SNAP23: variants seen among roughly 807,000 people sequenced by gnomAD.
The protein encoded by SNAP23 is synaptosome associated protein 23, also known as synaptosomal-associated protein 23.
In SNAP23, 11 loss-of-function variants were observed where a neutral mutation model predicts 29.0. The observed-to-expected ratio is 0.38, with a 90% confidence interval of 0.24 to 0.63. The LOEUF (loss-of-function observed/expected upper bound fraction) is 0.63, where lower values mean the gene tolerates loss of function less well. Ranked by LOEUF, SNAP23 falls within the 20% of genes least tolerant of loss-of-function variation. The probability of loss-of-function intolerance (pLI) is 0.58; values close to 1 mark genes in which losing one functional copy is unlikely to be tolerated. For missense variants in SNAP23, 220 were observed against 253.9 expected (o/e 0.87, Z 0.91); for synonymous variants, 60 against 82.9 (o/e 0.72, Z 1.50).
chr15:42,491,972 G>T (rs565459717), upstream of SNAP23, among the ~76,000 whole-genome samples: 1 of 151,848 alleles, frequency 6.6e-6, no homozygotes, highest in African/African-American at 2.4e-5. Flanking sequence ...GTGCAGAACC[G>T]CTCTCTTGGT....
chr15:42,519,251 C>T (rs1157552518), intron 5 of SNAP23, among the ~76,000 whole-genome samples: 1 of 151,890 alleles, frequency 6.6e-6, no homozygotes, highest in Non-Finnish European at 1.5e-5. Flanking sequence ...GATGGGGGTT[C>T]ACCATGTTGG....
At chr15:42,519,008 G>A (rs2141537517) in intron 5 of SNAP23, among the ~76,000 whole-genome samples, 1 of 151,492 alleles carries the variant, frequency 6.6e-6, no homozygotes, top group East Asian at 2.0e-4. Context: ...GACTACAGGT[G>A]CATGTCACCA....
chr15:42,501,489 T>C (rs1241850535), intron 1 of SNAP23, among the ~76,000 whole-genome samples: 1 of 152,210 alleles, frequency 6.6e-6, no homozygotes, highest in Non-Finnish European at 1.5e-5. Context: ...AGCCTCAAAC[T>C]GCTGAGCTCA....
chr15:42,502,026 C>CTTTTTTTT (rs767749240), intron 1 of SNAP23, among the ~76,000 whole-genome samples: 1 of 132,510 alleles, frequency 7.5e-6, no homozygotes, highest in Non-Finnish European at 1.6e-5. Context: ...TATATTCTCT[C>CTTTTTTTT]TTTTTTTTTT....
intron 5 of SNAP23, among the ~76,000 whole-genome samples, chr15:42,525,028 A>T (rs1476198259): frequency 6.6e-6 from 1 of 152,130 alleles, no homozygotes; most frequent in Non-Finnish European, 1.5e-5. Context: ...TTTTTTCCCC[A>T]TCCCATTTGA....
At chr15:42,511,961 G>T in intron 2 of SNAP23, 58 bp downstream of exon 2, 1 of 1,203,194 alleles carries the variant, frequency 8.3e-7, no homozygotes, top group Non-Finnish European at 1.2e-6. Context: ...TATTGGAGGA[G>T]TGAGAGAGCC....
In SNAP23 at chr15:42,531,537, T is replaced by A; in HGVS notation, c.*59T>A. The A allele has an allele frequency of 7.4e-7, 1 of 1,351,948 alleles. No homozygotes were observed. Among genetic ancestry groups the A allele is most frequent in the East Asian group, 2.4e-5 (1 of 42,326 alleles). The allele number at this position is 1,351,948 out of a possible 1,614,324, so 83.7% of individuals were successfully genotyped here. On this transcript the variant is annotated 3_prime_UTR_variant, in exon 8 of 8. Transcript: ENST00000249647. ...TTCCGTAGCTCCTCCTTGAAAGTTA[T>A]TACCTTTTCAGAGTTTAAGTTTTCG...
intron 5 of SNAP23, chr15:42,521,870 C>G: frequency 9.9e-6 from 4 of 402,492 alleles, no homozygotes; most frequent in Non-Finnish European, 1.8e-5. Flanking sequence ...TTTATAATAC[C>G]ATCCTTTGAC....
chr15:42,499,861 T>C (rs931579016), intron 1 of SNAP23, among the ~76,000 whole-genome samples: 2 of 152,190 alleles, frequency 1.3e-5, no homozygotes, highest in Admixed American at 1.3e-4. Flanking sequence ...GAAAGTAGAT[T>C]AGGGCCGGGC....
At chr15:42,505,879 TCCTCCCTTCCTC>T (rs1274404814) in intron 1 of SNAP23, among the ~76,000 whole-genome samples, 5 of 151,332 alleles carry the variant, frequency 3.3e-5, no homozygotes, top group African/African-American at 1.2e-4. Flanking sequence ...TTTTCTTATC[TCCTCCCTTCCTC>T]CCTCCCTCCC....
At chr15:42,521,248 A>G (rs2057446746) in intron 5 of SNAP23, among the ~76,000 whole-genome samples, 3 of 152,224 alleles carry the variant, frequency 2.0e-5, no homozygotes, top group African/African-American at 4.8e-5. Flanking sequence ...ATGAAAAAAT[A>G]TATAAGAAAA....
intron 5 of SNAP23, among the ~76,000 whole-genome samples, chr15:42,515,982 T>G (rs1412509320): frequency 6.6e-6 from 1 of 152,128 alleles, no homozygotes; most frequent in Admixed American, 6.5e-5. Flanking sequence ...AGGTTCAAAA[T>G]AAAGATTAAC....
At chr15:42,520,715 C>A (rs1036834908) in intron 5 of SNAP23, among the ~76,000 whole-genome samples, 4 of 152,078 alleles carry the variant, frequency 2.6e-5, no homozygotes, top group African/African-American at 9.7e-5. Flanking sequence ...AGGATGGTCT[C>A]GATCTCCTGA....
chr15:42,495,065 T>A (rs1001231757), upstream of SNAP23, among the ~76,000 whole-genome samples: 1 of 152,164 alleles, frequency 6.6e-6, no homozygotes, highest in African/African-American at 2.4e-5. Context: ...CTAACAAGGA[T>A]GAACTACTAG....
intron 1 of SNAP23, among the ~76,000 whole-genome samples, chr15:42,502,826 C>T (rs1353323960): frequency 6.6e-6 from 1 of 152,188 alleles, no homozygotes; most frequent in African/African-American, 2.4e-5. Flanking sequence ...CTACATCTAC[C>T]TCCCCAGTAT....
chr15:42,496,686 C>CATGA (rs962449802), intron 1 of SNAP23, among the ~76,000 whole-genome samples: 2 of 151,930 alleles, frequency 1.3e-5, no homozygotes, highest in African/African-American at 4.8e-5. Context: ...CACTGAGCTT[C>CATGA]AGCCTGGGAG....
At chr15:42,494,070 G>C (rs2057195097), upstream of SNAP23, among the ~76,000 whole-genome samples, 1 of 151,618 alleles carries the variant, frequency 6.6e-6, no homozygotes, top group South Asian at 2.1e-4. Flanking sequence ...TTTCTCAGTT[G>C]AATCTTCCCT....
At chr15:42,525,363 G>A (rs1392387403) in intron 5 of SNAP23, among the ~76,000 whole-genome samples, 6 of 114,976 alleles carry the variant, frequency 5.2e-5, no homozygotes, top group African/African-American at 1.4e-4. Flanking sequence ...GCGAGACTCC[G>A]TCTCAAAAAA....
intron 5 of SNAP23, among the ~76,000 whole-genome samples, chr15:42,523,531 G>A (rs934710300): frequency 1.4e-4 from 21 of 152,188 alleles, no homozygotes; most frequent in African/African-American, 4.6e-4. Flanking sequence ...TGCACTTACA[G>A]GCATGAACTG....
Sources: gnomAD v4.1 joint callset for allele counts (sites outside exome capture counted in the v4.1 genomes callset) on GRCh38, gnomAD v4.1.1 for gene constraint, MANE v1.5 for transcripts, NCBI Gene and HGNC (gene_info 2026-07-23, HGNC 2026-07-21) for gene names.